Variants in WDR4 observed in about 807,000 individuals in gnomAD.
The protein encoded by WDR4 is tRNA (guanine-N(7)-)-methyltransferase non-catalytic subunit WDR4.
A neutral mutation model predicts 48.6 loss-of-function variants in WDR4; 47 were observed. That is an observed-to-expected ratio of 0.97 (90% CI 0.77 to 1.23). The LOEUF (loss-of-function observed/expected upper bound fraction) is 1.23, where lower values mean the gene tolerates loss of function less well. Among genes scored for constraint, WDR4 ranks in the 50% most tolerant of loss-of-function variants. The pLI is 0.00. For synonymous variants in WDR4, 268 were observed against 230.0 expected, an observed-to-expected ratio of 1.17 and a Z score of -1.49; for missense variants, 606 against 551.6, an observed-to-expected ratio of 1.10 and a Z score of -0.99.
In WDR4 at chr21:42,876,857, T is replaced by C. The variant is rs2058504425; in HGVS notation, c.90-90A>G. On this transcript the variant is annotated intron_variant, in intron 1 of 10. Transcript: ENST00000398208. ...TTTTGAGACGGAGTTTCGCTCTCGT[T>C]GTCCAGGCTCCAGTACAATGGCACG... is the stretch of plus-strand genomic sequence containing the variant. The C allele has an allele frequency of 4.1e-6, 5 of 1,214,192 alleles. 1 individual carries two copies. Among genetic ancestry groups the C allele is most frequent in the Non-Finnish European group, 5.7e-6 (5 of 872,320 alleles). 75.2% of individuals were successfully genotyped at this position (1,214,192 alleles called of 1,614,324 possible). A position where few individuals can be genotyped will look rare whatever the true frequency, so the allele number is the denominator to read the frequency against.
downstream of WDR4, among the ~76,000 whole-genome samples, chr21:42,845,274 G>C (rs1426268146): frequency 2.0e-5 from 3 of 152,230 alleles, no homozygotes; most frequent in Non-Finnish European, 2.9e-5. Flanking sequence ...TAAATGTTTG[G>C]AAATTAAACC....
At chr21:42,861,816 G>A (rs2058122497) in intron 5 of WDR4, among the ~76,000 whole-genome samples, 3 of 152,222 alleles carry the variant, frequency 2.0e-5, no homozygotes, top group South Asian at 4.1e-4. Context: ...GTGTGAGACA[G>A]GAGCGGGCAT....
chr21:42,871,279 T>C (rs2058364115), intron 3 of WDR4, among the ~76,000 whole-genome samples: 1 of 152,166 alleles, frequency 6.6e-6, no homozygotes. Context: ...TGGTATCTTG[T>C]TGGGCAGCCC....
chr21:42,872,172 CG>C (rs1354068383), intron 3 of WDR4, among the ~76,000 whole-genome samples: 1 of 152,158 alleles, frequency 6.6e-6, no homozygotes, highest in South Asian at 2.1e-4. Context: ...TTAGTAGAGA[CG>C]GGGTTTTGCC....
intron 6 of WDR4, 79 bp downstream of exon 6, chr21:42,859,583 C>T: frequency 7.3e-7 from 1 of 1,377,412 alleles, no homozygotes; most frequent in Non-Finnish European, 1.0e-6. Context: ...CCACAGGGGC[C>T]AGGTCCAGGA....
In WDR4 at chr21:42,876,218, C is replaced by CTTTTTTTTTTTTTTTTTTTT. The variant is rs373181618; in HGVS notation, c.155+483_155+484insAAAAAAAAAAAAAAAAAAAA. Among the ~76,000 whole-genome samples the CTTTTTTTTTTTTTTTTTTTT allele has an allele frequency of 4.7e-5, 5 of 105,856 alleles. 1 individual carries two copies. The highest frequency in any genetic ancestry group is 7.8e-5 in the African/African-American group (2 of 25,594). 69.4% of individuals were successfully genotyped at this position (105,856 alleles called of 152,430 possible). Reference sequence around the variant, plus strand: ...CCGCACCCGGCACTAACACTGTACTCTTTTTTTTTTTGGGAGACAGAGTCT... The same window carrying CTTTTTTTTTTTTTTTTTTTT: ...CCGCACCCGGCACTAACACTGTACTCTTTTTTTTTTTTTTTTTTTTTTTTTTTTTTTGGGAGACAGAGTCT... On this transcript the variant is annotated intron_variant, in intron 2 of 10. Transcript: ENST00000398208.
At chr21:42,857,404 G>A (rs980434492) in intron 6 of WDR4, among the ~76,000 whole-genome samples, 8 of 152,008 alleles carry the variant, frequency 5.3e-5, no homozygotes, top group East Asian at 1.9e-4. Context: ...GAAGCCCCTC[G>A]GGCCCCACCC....
At chr21:42,892,886 A>G in the WDR4 span, among the ~76,000 whole-genome samples, 1 of 152,238 alleles carries the variant, frequency 6.6e-6, no homozygotes, top group Non-Finnish European at 1.5e-5. Context: ...AAACCTCTCA[A>G]AACACAGAAC....
chr21:42,851,423 C>A (rs894950265), intron 10 of WDR4, among the ~76,000 whole-genome samples: 1 of 152,222 alleles, frequency 6.6e-6, no homozygotes, highest in Non-Finnish European at 1.5e-5. Flanking sequence ...GGCTGGGCCC[C>A]AATCAGCGGA....
At chr21:42,859,570 G>GATCCACAGGGGCCAGCA in intron 6 of WDR4, 92 bp downstream of exon 6, 1 of 1,376,204 alleles carries the variant, frequency 7.3e-7, no homozygotes, top group Non-Finnish European at 1.0e-6. Context: ...AGGGGCCAGC[G>GATCCACAGGGGCCAGCA]ATCCACAGGG....
rs562326755 is a variant in WDR4 at position 42,871,909 on chromosome 21, G to A, written c.296+1642C>T. Among the ~76,000 whole-genome samples the A allele has an allele frequency of 3.5e-4, 53 of 152,118 alleles. 1 individual carries two copies. In the South Asian group the frequency reaches 9.7e-3, roughly 28 times the overall value. ...ACACATAGAGTAGAAATGATGCAGC[G>A]TTTCAGGGCTTTCTTTTTAACCTGA... On this transcript the variant is annotated intron_variant, in intron 3 of 10. Coordinates refer to ENST00000398208, the MANE Select transcript of WDR4 (RefSeq NM_018669.6).
At chr21:42,854,776 G>A in intron 7 of WDR4, 150 bp from the exon 8 acceptor site, 1 of 716,250 alleles carries the variant, frequency 1.4e-6, no homozygotes. Context: ...GAATCAGTGG[G>A]GAAAGGAGGG....
At chr21:42,865,902 T>C (rs948111077) in intron 3 of WDR4, among the ~76,000 whole-genome samples, 3 of 152,046 alleles carry the variant, frequency 2.0e-5, no homozygotes, top group Non-Finnish European at 4.4e-5. Context: ...GAGTTGGCAC[T>C]GCCCCAAGCC....
intron 7 of WDR4, 108 bp downstream of exon 7, chr21:42,855,574 G>C (rs2057965373): frequency 1.3e-6 from 1 of 766,852 alleles, no homozygotes; most frequent in Admixed American, 3.0e-5. Context: ...AGGAAGTCTG[G>C]CATTGAGAGC....
At chr21:42,845,633 C>A (rs1386279270), downstream of WDR4, among the ~76,000 whole-genome samples, 1 of 152,212 alleles carries the variant, frequency 6.6e-6, no homozygotes, top group Non-Finnish European at 1.5e-5. Flanking sequence ...TGCAAAACTC[C>A]ACACCACACA....
rs755718109 is a variant in WDR4 at position 42,852,247 on chromosome 21, G to A, written c.1045+8C>T. On this transcript the variant is annotated splice_region_variant and intron_variant, in intron 10 of 10. Transcript: ENST00000398208. ...ACCCCCAAGGGCAGCCTGCACCCGT[G>A]CTCTCACCTTCCAGCATGGCCCAGT... The A allele has an allele frequency of 4.6e-5, 75 of 1,613,886 alleles. No individual in the cohort carries two copies. Among genetic ancestry groups the A allele is most frequent in the Middle Eastern group, 3.3e-4 (2 of 6,060 alleles).
At chr21:42,887,038 G>C in the WDR4 span, 1 of 152,314 alleles carries the variant, frequency 6.6e-6, no homozygotes, top group Non-Finnish European at 1.5e-5. Context: ...TGTTGCCCAG[G>C]CTGGAGTGCA....
rs1490652766 is a variant in WDR4 at position 42,862,180 on chromosome 21, G to C, written c.566+102C>G. 4 of 1,063,682 alleles carry C rather than the reference G, an allele frequency of 3.8e-6. No individual in the cohort carries two copies. Among genetic ancestry groups the C allele is most frequent in the Admixed American group, 2.2e-5 (1 of 45,382 alleles). 65.9% of individuals were successfully genotyped at this position (1,063,682 alleles called of 1,614,324 possible). ...CCAAGCACGGGGGCTGCTGTCACCCGCGTGGGGCCTCGCCAGCTACAACGG... is the reference window on the plus strand; with the variant it reads ...CCAAGCACGGGGGCTGCTGTCACCCCCGTGGGGCCTCGCCAGCTACAACGG... On this transcript the variant is annotated intron_variant, in intron 5 of 10. Coordinates refer to ENST00000398208, the MANE Select transcript of WDR4 (RefSeq NM_018669.6). This position sits in a 1 kb window ranked among gnomAD's most constrained non-coding sequence, Gnocchi z 4.3.
At position 42,863,515 on chromosome 21, in the gene WDR4, G is replaced by A. The variant is rs149924121; in HGVS notation, c.378C>T (p.Val126=). 5.6e-6 allele frequency: 9 copies of A among 1,614,066 alleles called. No homozygotes were observed. In the African/African-American group the frequency reaches 1.1e-4, roughly 19 times the overall value. Residue 126 remains valine (V), a synonymous_variant, in exon 4 of 11, where the codon GTC becomes GTT. Coordinates refer to ENST00000398208, the MANE Select transcript of WDR4 (RefSeq NM_018669.6). ...GTGGCTCCAGCACCGAAAAGGAGTA[G>A]ACGTCTCCAGACTTGTCGGCCACCA... ...KVLVADKSGD[V]YSFSVLEPHG...
Sources: gnomAD v4.1 joint callset for allele counts (sites outside exome capture counted in the v4.1 genomes callset) on GRCh38, gnomAD v4.1.1 for gene constraint, Gnocchi (gnomAD v3.1) non-coding constraint, MANE v1.5 for transcripts, NCBI Gene and HGNC (gene_info 2026-07-23, HGNC 2026-07-21) for gene names.